SNED1: variants seen among roughly 807,000 people sequenced by gnomAD.
SNED1 encodes sushi, nidogen and EGF like domains 1, also known as sushi, nidogen and EGF-like domain-containing protein 1.
A neutral mutation model predicts 166.7 loss-of-function variants in SNED1; 81 were observed. The ratio of observed to expected loss-of-function variants is 0.49; its 90% CI spans 0.41 to 0.58. The LOEUF (loss-of-function observed/expected upper bound fraction) is 0.58. SNED1 is among the 20% of genes least tolerant of loss of function. SNED1 has a pLI of 0.00. For synonymous variants in SNED1, 762 were observed against 822.0 expected (o/e 0.93, Z 1.25); for missense variants, 1,604 against 2,000.2 (o/e 0.80, Z 3.78).
chr2:241,090,435 T>C lies in SNED1; in HGVS notation c.*2-1203T>C, dbSNP rs961273735. ...TTTATAGTTAACTTTTTTTCATAAGTAGAAGGAGTACACTCTAAAATAATG... is the reference window on the plus strand; with the variant it reads ...TTTATAGTTAACTTTTTTTCATAAGCAGAAGGAGTACACTCTAAAATAATG... On this transcript the variant is annotated intron_variant, in intron 31 of 31. Coordinates refer to ENST00000310397, the MANE Select transcript of SNED1 (RefSeq NM_001080437.3). 5.8e-6 allele frequency: 9 copies of C among 1,545,992 alleles called. No individual in the cohort carries two copies. In the South Asian group the frequency reaches 9.5e-5, roughly 16 times the overall value.
rs1318057735 is a variant in SNED1, at chr2:241,065,442, C to T, written c.2857C>T (p.Arg953Cys). The change falls in exon 21 of 32, where the codon CGC becomes TGC. Residue 953 changes from arginine to cysteine, a missense_variant. By Grantham distance (180) the Arg-to-Cys change is radical. Transcript: ENST00000310397. ...CTACGTCTCCTCCGACGGCTCCTAC[C>T]GCCGCACAGACTTTGTGGACAGGAC... is the stretch of plus-strand genomic sequence containing the variant. The part of the protein sequence containing the change: ...VTYVSSDGSY[R>C]RTDFVDRTRS... 3 of 1,613,064 alleles carry T rather than the reference C, an allele frequency of 1.9e-6. No homozygotes were observed. The highest frequency in any genetic ancestry group is 2.2e-5 in the South Asian group (2 of 91,078).
chr2:241,087,637 G>A lies in SNED1; in HGVS notation c.4205+162G>A. The A allele has an allele frequency of 7.0e-6, 10 of 1,437,256 alleles. No individual in the cohort carries two copies. In the South Asian group the frequency reaches 1.5e-4, roughly 22 times the overall value. The allele number at this position is 1,437,256 out of a possible 1,614,324, so 89.0% of individuals were successfully genotyped here. A position where few individuals can be genotyped will look rare whatever the true frequency, so the allele number is the denominator to read the frequency against. The stretch of plus-strand genomic sequence containing the variant: ...GGCAGCCACGTTCTGCTACGAAACT[G>A]TATGTCCATATATGTGCATGTGAGC... On this transcript the variant is annotated intron_variant, in intron 30 of 31. Transcript: ENST00000310397.
intron 16 of SNED1, among the ~76,000 whole-genome samples, chr2:241,060,176 A>G (rs2062187580): frequency 6.6e-6 from 1 of 151,650 alleles, no homozygotes; most frequent in Non-Finnish European, 1.5e-5. Context: ...TGTAAAAGCT[A>G]AAACTATAAA....
chr2:241,048,226 A>G (rs1218496094), intron 8 of SNED1, 89 bp from the exon 9 acceptor site: 10 of 1,427,788 alleles, frequency 7.0e-6, no homozygotes, highest in Non-Finnish European at 9.2e-6. Context: ...ACAGAGGTGA[A>G]AACCCAAAGG....
rs2062346537 is a variant in SNED1 at position 241,064,200 on chromosome 2, C to T, written c.2599+75C>T. On this transcript the variant is annotated intron_variant, in intron 19 of 31. Coordinates refer to ENST00000310397, the MANE Select transcript of SNED1 (RefSeq NM_001080437.3). The surrounding 1 kb of genome is among the most constrained non-coding windows in gnomAD (Gnocchi z 7.0). ...GCCCTCTGCCCGCCTGCTGCCCGCC[C>T]TCTGCCCGCCTGCTCCCCGCCCTCT... 28 of 1,023,460 alleles carry T rather than the reference C, an allele frequency of 2.7e-5. No homozygotes were observed. The South Asian group carries it at 4.4e-4, about 16-fold the overall frequency. 63.4% of individuals were successfully genotyped at this position (1,023,460 alleles called of 1,614,324 possible).
chr2:241,090,868 CAAAAAAA>C (rs371271027), intron 31 of SNED1, among the ~76,000 whole-genome samples: 8 of 100,798 alleles, frequency 7.9e-5, no homozygotes, highest in Non-Finnish European at 6.2e-5. Context: ...CCCTCTGTCT[CAAAAAAA>C]AAAAAAAAAG....
chr2:241,054,919 C>A (rs1012361050), intron 16 of SNED1, among the ~76,000 whole-genome samples: 2 of 152,112 alleles, frequency 1.3e-5, no homozygotes, highest in Non-Finnish European at 2.9e-5. Context: ...GAGTTCGAGA[C>A]CAGCCTGGCC....
rs1211889191 is a variant in SNED1 at position 241,094,379 on chromosome 2, T to G, written c.*2743T>G. The G allele has an allele frequency of 4.2e-6, 2 of 471,060 alleles. No homozygotes were observed. The highest frequency in any genetic ancestry group is 8.8e-6 in the Non-Finnish European group (2 of 227,040). 29.2% of individuals were successfully genotyped at this position (471,060 alleles called of 1,614,324 possible). On this transcript the variant is annotated 3_prime_UTR_variant, in exon 32 of 32. Coordinates refer to ENST00000310397, the MANE Select transcript of SNED1 (RefSeq NM_001080437.3). This position sits in a 1 kb window ranked among gnomAD's most constrained non-coding sequence, Gnocchi z 4.3. ...GTGGACGGAGTCACCGAGCTGCTTT[T>G]CTTTTGCAAAACAAAAGTCTTTTTC...
At chr2:241,002,663 G>A (rs1300404016) in intron 1 of SNED1, among the ~76,000 whole-genome samples, 4 of 152,142 alleles carry the variant, frequency 2.6e-5, no homozygotes, top group Non-Finnish European at 5.9e-5. Context: ...CTCACAGGCA[G>A]CCCCTGAGAG....
At chr2:241,057,708 CTT>C (rs1332941966) in intron 16 of SNED1, among the ~76,000 whole-genome samples, 2 of 151,920 alleles carry the variant, frequency 1.3e-5, no homozygotes, top group African/African-American at 4.8e-5. Context: ...AAGAAATAAA[CTT>C]AATACCTAAA....
At position 241,081,850 on chromosome 2, in the gene SNED1, A is replaced by G. The variant is rs1007751457; in HGVS notation, c.4033+57A>G. 8 of 1,315,464 alleles carry G rather than the reference A, an allele frequency of 6.1e-6. No individual in the cohort carries two copies. In the East Asian group the frequency reaches 1.5e-4, roughly 25 times the overall value. 81.5% of individuals were successfully genotyped at this position (1,315,464 alleles called of 1,614,324 possible). A position where few individuals can be genotyped will look rare whatever the true frequency, so the allele number is the denominator to read the frequency against. On this transcript the variant is annotated intron_variant, in intron 28 of 31. Transcript: ENST00000310397. ...TCCAACACAGCCTGTGCCTCAGCCT[A>G]GGACTGCTGGGCCACAGCTGGGTTT... is the stretch of plus-strand genomic sequence containing the variant.
At chr2:241,048,492 G>C in intron 9 of SNED1, 52 bp downstream of exon 9, 1 of 1,553,638 alleles carries the variant, frequency 6.4e-7, no homozygotes, top group Non-Finnish European at 8.7e-7. Context: ...AGGAGACCCA[G>C]GGAGGGCCTT....
At chr2:241,052,258 G>T in intron 14 of SNED1, 97 bp from the exon 15 acceptor site, 1 of 1,431,506 alleles carries the variant, frequency 7.0e-7, no homozygotes, top group East Asian at 2.3e-5. Flanking sequence ...CCCTGGAGGC[G>T]CAGGAGGTGG....
At chr2:241,004,597 A>G (rs915155078) in intron 1 of SNED1, among the ~76,000 whole-genome samples, 11 of 152,322 alleles carry the variant, frequency 7.2e-5, no homozygotes, top group African/African-American at 2.4e-4. Context: ...ATAATATTAT[A>G]CTCTTTCAAG....
At chr2:241,081,517 G>A (rs745811266) in intron 27 of SNED1, among the ~76,000 whole-genome samples, 160 bp from the exon 28 acceptor site, 7 of 152,218 alleles carry the variant, frequency 4.6e-5, no homozygotes, top group South Asian at 2.1e-4. Flanking sequence ...CTGGGACCAC[G>A]CTCTAGGGCC....
chr2:241,052,547 G>T, intron 15 of SNED1, 79 bp downstream of exon 15: 1 of 1,128,696 alleles, frequency 8.9e-7, no homozygotes, highest in African/African-American at 1.6e-5. Flanking sequence ...CCCAAGCAGG[G>T]TACATGGGAT....
intron 16 of SNED1, among the ~76,000 whole-genome samples, chr2:241,062,234 G>A (rs1043711990): frequency 7.9e-5 from 12 of 152,246 alleles, no homozygotes; most frequent in African/African-American, 2.6e-4. Flanking sequence ...GTACACGGTC[G>A]GATGAGCCCA....
chr2:241,046,283 C>T (rs1369439924), intron 8 of SNED1, among the ~76,000 whole-genome samples: 1 of 152,170 alleles, frequency 6.6e-6, no homozygotes, highest in African/African-American at 2.4e-5. Flanking sequence ...TTATAATATG[C>T]CCCAGCAATC....
chr2:241,008,442 C>T (rs770025945), intron 1 of SNED1, among the ~76,000 whole-genome samples: 1 of 152,240 alleles, frequency 6.6e-6, no homozygotes, highest in African/African-American at 2.4e-5. Context: ...TCCTTCTGTC[C>T]ATGGGCTTCT....
Sources: gnomAD v4.1 joint callset for allele counts (sites outside exome capture counted in the v4.1 genomes callset) on GRCh38, gnomAD v4.1.1 for gene constraint, Gnocchi (gnomAD v3.1) non-coding constraint, MANE v1.5 for transcripts, NCBI Gene and HGNC (gene_info 2026-07-23, HGNC 2026-07-21) for gene names.